The following SLCO6A1 variants were observed in gnomAD, a reference collection of about 807,000 sequenced individuals.
The protein encoded by SLCO6A1 is cancer/testis antigen 48.
SLCO6A1 carries 65 observed loss-of-function variants against 72.7 expected under a neutral mutation model. That is an observed-to-expected ratio of 0.89 (90% CI 0.73 to 1.10). The LOEUF (loss-of-function observed/expected upper bound fraction) is 1.10. Ranked by LOEUF, SLCO6A1 falls within the 50% of genes least tolerant of loss-of-function variation. The pLI is 0.00. For missense variants in SLCO6A1, 874 were observed against 872.6 expected (o/e 1.00, Z -0.02); for synonymous variants, 314 against 298.2 (o/e 1.05, Z -0.55).
At chr5:102,475,601 T>C (rs1245338459) in intron 4 of SLCO6A1, 96 bp downstream of exon 4, 15 of 726,992 alleles carry the variant, frequency 2.1e-5, no homozygotes, top group Admixed American at 6.1e-5. Flanking sequence ...CTATGGTTAT[T>C]ACAAATTAAA....
At chr5:102,377,020 C>G (rs71586343) in intron 12 of SLCO6A1, among the ~76,000 whole-genome samples, 1 of 151,940 alleles carries the variant, frequency 6.6e-6, no homozygotes, top group Non-Finnish European at 1.5e-5. Flanking sequence ...ATAAATTAGC[C>G]GGGCATGGTG....
intron 9 of SLCO6A1, among the ~76,000 whole-genome samples, chr5:102,404,129 A>G (rs1747543382): frequency 6.6e-6 from 1 of 152,200 alleles, no homozygotes; most frequent in Non-Finnish European, 1.5e-5. Flanking sequence ...ATTGAGACTC[A>G]CTATGGAAAA....
chr5:102,420,016 C>A lies in SLCO6A1; in HGVS notation c.1282G>T (p.Val428Phe), dbSNP rs780055987. 1.5e-5 allele frequency: 24 copies of A among 1,563,522 alleles called. No homozygotes were observed. Among genetic ancestry groups the A allele is most frequent in the Non-Finnish European group, 2.0e-5 (23 of 1,163,912 alleles). ...PTVATTLAGL[V>F]LIPGGALGQL... ...CCAAGTGCACCTCCTGGAATTAAAA[C>A]AAGTCCTAAAAAAAAGGAGGAGAAA... is the stretch of plus-strand genomic sequence containing the variant. The change falls in exon 8 of 14, where the codon GTT becomes TTT. Residue 428 changes from valine (V) to phenylalanine (F), a missense_variant. Transcript: ENST00000506729.
rs747002106 is a variant in SLCO6A1, at chr5:102,498,755, A to T, written c.90T>A (p.Ala30=). The T allele has an allele frequency of 1.4e-5, 23 of 1,613,856 alleles. No homozygotes were observed. Among genetic ancestry groups the T allele is most frequent in the Non-Finnish European group, 3.4e-6 (4 of 1,180,002 alleles). The part of the protein sequence containing the change: ...EPLEAARAQP[A]KDRRAKGTPK... The stretch of plus-strand genomic sequence containing the variant: ...GGGTTCCCTTGGCCCTCCTGTCCTT[A>T]GCAGGCTGGGCCCGCGCGGCCTCCA... The change falls in exon 1 of 14, where the codon GCT becomes GCA. Residue 30 remains alanine, a synonymous_variant. Transcript: ENST00000506729.
intron 8 of SLCO6A1, among the ~76,000 whole-genome samples, chr5:102,415,907 A>G (rs10072785): frequency 0.65 from 98,312 of 151,908 alleles, 32,016 homozygotes; most frequent in African/African-American, 0.67. Flanking sequence ...GACATGAATA[A>G]ACATTTTTCA....
intron 4 of SLCO6A1, among the ~76,000 whole-genome samples, chr5:102,469,797 G>A (rs2112796101): frequency 6.6e-6 from 1 of 152,180 alleles, no homozygotes; most frequent in East Asian, 1.9e-4. Context: ...CTGTGGGTTT[G>A]TCATAAATAG....
chr5:102,445,379 C>T (rs911363395), intron 6 of SLCO6A1, among the ~76,000 whole-genome samples: 2 of 152,096 alleles, frequency 1.3e-5, no homozygotes, highest in Admixed American at 6.6e-5. Context: ...TTTGAAAAGA[C>T]ACTCTTGAAA....
intron 12 of SLCO6A1, among the ~76,000 whole-genome samples, chr5:102,381,070 G>A (rs1368082318): frequency 1.3e-5 from 2 of 151,534 alleles, no homozygotes; most frequent in Non-Finnish European, 3.0e-5. Flanking sequence ...CACATTATTC[G>A]GTTATTTTTT....
At chr5:102,412,711 G>A (rs1301520822) in intron 9 of SLCO6A1, among the ~76,000 whole-genome samples, 1 of 151,554 alleles carries the variant, frequency 6.6e-6, no homozygotes, top group South Asian at 2.1e-4. Context: ...CAGTGAGCTG[G>A]GATCTCTCCA....
chr5:102,449,217 C>T (rs1005264770), intron 6 of SLCO6A1, among the ~76,000 whole-genome samples: 1 of 152,110 alleles, frequency 6.6e-6, no homozygotes, highest in Non-Finnish European at 1.5e-5. Flanking sequence ...TGTAGAGTTT[C>T]TGCTGACAGG....
At chr5:102,396,099 G>C (rs529990439) in intron 10 of SLCO6A1, among the ~76,000 whole-genome samples, 3 of 152,152 alleles carry the variant, frequency 2.0e-5, no homozygotes, top group Non-Finnish European at 1.5e-5. Flanking sequence ...CAGTGTTTTA[G>C]ACATGAAGTC....
intron 12 of SLCO6A1, among the ~76,000 whole-genome samples, chr5:102,373,845 T>C (rs1409706359): frequency 6.6e-6 from 1 of 152,182 alleles, no homozygotes; most frequent in African/African-American, 2.4e-5. Context: ...AGCTTTGCTC[T>C]TTTTGAAATA....
Position 102,475,678 on chromosome 5 carries a change from A to C in SLCO6A1, c.899+19T>G. 6.4e-7 allele frequency: 1 copy of C among 1,563,106 alleles called. No individual in the cohort carries two copies. The highest frequency in any genetic ancestry group is 1.2e-5 in the South Asian group (1 of 82,630). On this transcript the variant is annotated intron_variant, in intron 4 of 13. Coordinates refer to ENST00000506729, the MANE Select transcript of SLCO6A1 (RefSeq NM_173488.5). The stretch of plus-strand genomic sequence containing the variant: ...TATTTTATACAATGTAAACAAAAAA[A>C]GAAAAAATAATGCCTTACTTTGTTG...
At chr5:102,406,672 G>A (rs1371767014) in intron 9 of SLCO6A1, among the ~76,000 whole-genome samples, 1 of 152,010 alleles carries the variant, frequency 6.6e-6, no homozygotes, top group East Asian at 1.9e-4. Flanking sequence ...TGATTAATGT[G>A]TTCCAGAAAG....
intron 1 of SLCO6A1, among the ~76,000 whole-genome samples, chr5:102,488,066 G>A (rs112141134): frequency 0.023 from 3,552 of 152,136 alleles, 80 homozygotes; most frequent in African/African-American, 0.055. Flanking sequence ...GAGCTGTTTC[G>A]CATAAATTAA....
At chr5:102,445,807 T>TCA (rs1750078088) in intron 6 of SLCO6A1, among the ~76,000 whole-genome samples, 1 of 152,200 alleles carries the variant, frequency 6.6e-6, no homozygotes, top group South Asian at 2.1e-4. Flanking sequence ...TATCCCAGCA[T>TCA]CATTTATTGA....
chr5:102,394,010 C>G (rs1348795544), intron 10 of SLCO6A1, among the ~76,000 whole-genome samples: 2 of 152,152 alleles, frequency 1.3e-5, no homozygotes, highest in African/African-American at 2.4e-5. Context: ...CCAGTTGTGA[C>G]CCCCAACCTG....
At chr5:102,397,488 T>C (rs1747152483) in intron 10 of SLCO6A1, among the ~76,000 whole-genome samples, 1 of 152,180 alleles carries the variant, frequency 6.6e-6, no homozygotes. Context: ...CATTTCTTGC[T>C]TTCAGAGGTT....
intron 11 of SLCO6A1, 84 bp downstream of exon 11, chr5:102,390,897 A>T: frequency 8.7e-7 from 1 of 1,148,752 alleles, no homozygotes; most frequent in South Asian, 1.4e-5. Flanking sequence ...ACTATTATTT[A>T]TTTGTAATAC....
Sources: gnomAD v4.1 joint callset for allele counts (sites outside exome capture counted in the v4.1 genomes callset) on GRCh38, gnomAD v4.1.1 for gene constraint, MANE v1.5 for transcripts, NCBI Gene and HGNC (gene_info 2026-07-23, HGNC 2026-07-21) for gene names.